PTPRD: variants seen among roughly 807,000 people sequenced by gnomAD.
PTPRD encodes the protein protein tyrosine phosphatase receptor type D.
Under a neutral mutation model 214.5 loss-of-function variants are expected in PTPRD, and 34 were observed. That is an observed-to-expected ratio of 0.16 (90% confidence interval 0.12 to 0.21). The LOEUF (loss-of-function observed/expected upper bound fraction) is 0.21, where lower values mean the gene tolerates loss of function less well. Ranked by LOEUF, PTPRD falls within the 10% of genes least tolerant of loss-of-function variation. The pLI, the probability that PTPRD is intolerant of heterozygous loss-of-function variation, is 1.00. For synonymous variants in PTPRD, 1,128 were observed against 845.7 expected, an observed-to-expected ratio of 1.33 and a Z score of -5.79; for missense variants, 2,545 against 2,398.7, an observed-to-expected ratio of 1.06 and a Z score of -1.27.
chr9:9,263,215 CTCTT>C (rs2099980900), intron 9 of PTPRD, among the ~76,000 whole-genome samples: 1 of 151,516 alleles, frequency 6.6e-6, no homozygotes, highest in Admixed American at 6.6e-5. Context: ...TAGGATTTGA[CTCTT>C]TTTATTATGT....
chr9:10,088,976 G>A (rs2098395363), intron 3 of PTPRD, among the ~76,000 whole-genome samples: 1 of 151,482 alleles, frequency 6.6e-6, no homozygotes, highest in Non-Finnish European at 1.5e-5. Flanking sequence ...GGGGCCAAGA[G>A]AAAAGGACCA....
intron 4 of PTPRD, among the ~76,000 whole-genome samples, chr9:9,947,163 C>T (rs1236741225): frequency 6.8e-6 from 1 of 147,494 alleles, no homozygotes; most frequent in Non-Finnish European, 1.5e-5. Context: ...GAGGCATATT[C>T]AGTACAATGA....
intron 5 of PTPRD, among the ~76,000 whole-genome samples, chr9:9,776,615 T>G (rs1467327238): frequency 6.6e-6 from 1 of 152,220 alleles, no homozygotes; most frequent in Non-Finnish European, 1.5e-5. Flanking sequence ...AAATACGATC[T>G]ACTCCCTTCT....
At chr9:10,002,965 A>C (rs1306471528) in intron 4 of PTPRD, among the ~76,000 whole-genome samples, 1 of 151,784 alleles carries the variant, frequency 6.6e-6, no homozygotes, top group Non-Finnish European at 1.5e-5. Flanking sequence ...AAATAATTAA[A>C]AATTTAAATT....
chr9:8,737,394 T>G (rs2090714523), intron 11 of PTPRD, among the ~76,000 whole-genome samples: 1 of 151,960 alleles, frequency 6.6e-6, no homozygotes, highest in African/African-American at 2.4e-5. Context: ...ATCAGTAAGG[T>G]GGAATTTAAA....
chr9:9,573,772 T>C (rs1447722031), intron 8 of PTPRD, among the ~76,000 whole-genome samples: 2 of 151,860 alleles, frequency 1.3e-5, no homozygotes, highest in Non-Finnish European at 1.5e-5. Context: ...TATATGACAC[T>C]TGTTTTAAAC....
At chr9:9,911,626 A>G (rs2079211473) in intron 5 of PTPRD, among the ~76,000 whole-genome samples, 1 of 152,124 alleles carries the variant, frequency 6.6e-6, no homozygotes, top group Non-Finnish European at 1.5e-5. Context: ...ATTTTATCAG[A>G]CTTCAAAAAA....
intron 3 of PTPRD, among the ~76,000 whole-genome samples, chr9:10,163,033 A>T (rs1379849161): frequency 1.3e-5 from 2 of 151,044 alleles, no homozygotes; most frequent in African/African-American, 4.8e-5. Context: ...CTATATAGAG[A>T]GAAAGAGAAA....
At chr9:9,963,527 C>T (rs1320722594) in intron 4 of PTPRD, among the ~76,000 whole-genome samples, 3 of 152,060 alleles carry the variant, frequency 2.0e-5, no homozygotes, top group African/African-American at 4.8e-5. Flanking sequence ...GAAGCATCAT[C>T]GAATAAATCA....
chr9:8,657,860 TG>T (rs1400007122), intron 12 of PTPRD, among the ~76,000 whole-genome samples: 1 of 152,220 alleles, frequency 6.6e-6, no homozygotes, highest in Non-Finnish European at 1.5e-5. Flanking sequence ...CTTATTTCCA[TG>T]ATCATAACAA....
intron 5 of PTPRD, among the ~76,000 whole-genome samples, chr9:9,780,958 A>T (rs1258116598): frequency 6.6e-6 from 1 of 152,204 alleles, no homozygotes; most frequent in Non-Finnish European, 1.5e-5. Flanking sequence ...GTATATTCCA[A>T]GTGTATGACT....
At chr9:9,759,247 G>A (rs1249499484) in intron 6 of PTPRD, among the ~76,000 whole-genome samples, 1 of 152,094 alleles carries the variant, frequency 6.6e-6, no homozygotes, top group African/African-American at 2.4e-5. Context: ...AGTCTGTACT[G>A]GTAATGATTA....
chr9:10,198,607 C>T (rs1379733759), intron 3 of PTPRD, among the ~76,000 whole-genome samples: 4 of 152,018 alleles, frequency 2.6e-5, no homozygotes, highest in African/African-American at 7.2e-5. Flanking sequence ...ACAAAGGTAA[C>T]ATTGAAAGGA....
intron 10 of PTPRD, among the ~76,000 whole-genome samples, chr9:9,029,331 G>A (rs2099597241): frequency 6.6e-6 from 1 of 151,714 alleles, no homozygotes; most frequent in Non-Finnish European, 1.5e-5. Context: ...AAAGGAATCA[G>A]ACTAAAAAGT....
intron 44 of PTPRD, among the ~76,000 whole-genome samples, chr9:8,329,058 G>A (rs1836957738): frequency 6.6e-6 from 1 of 152,098 alleles, no homozygotes; most frequent in Non-Finnish European, 1.5e-5. Flanking sequence ...TCTCTGTCCT[G>A]TTTTGTTCCC....
intron 14 of PTPRD, among the ~76,000 whole-genome samples, chr9:8,614,048 T>C (rs1216541755): frequency 1.3e-5 from 2 of 151,996 alleles, no homozygotes; most frequent in African/African-American, 4.8e-5. Context: ...AGTTTTGTTC[T>C]GTTATTTGAT....
intron 37 of PTPRD, among the ~76,000 whole-genome samples, chr9:8,384,351 G>T (rs1416806475): frequency 6.6e-6 from 1 of 151,952 alleles, no homozygotes; most frequent in Non-Finnish European, 1.5e-5. Flanking sequence ...ACTTGCTACA[G>T]AATCAATGAA....
chr9:10,289,310 C>T (rs774977391), intron 3 of PTPRD, among the ~76,000 whole-genome samples: 3 of 152,094 alleles, frequency 2.0e-5, no homozygotes, highest in Non-Finnish European at 4.4e-5. Context: ...GCAACTTTTA[C>T]ACTTTTGTTT....
intron 2 of PTPRD, among the ~76,000 whole-genome samples, chr9:10,539,057 C>G (rs1162535702): frequency 2.0e-5 from 3 of 152,216 alleles, no homozygotes; most frequent in Admixed American, 1.3e-4. Context: ...CACATTAATG[C>G]AAATGCTCCT....
Sources: allele counts gnomAD v4.1 joint callset (sites outside exome capture counted in the v4.1 genomes callset), GRCh38; gene constraint gnomAD v4.1.1; transcripts MANE v1.5; gene names NCBI Gene and HGNC (gene_info 2026-07-23, HGNC 2026-07-21).